The following GMPR variants were observed in gnomAD, a reference collection of about 807,000 sequenced individuals.
The protein encoded by GMPR is guanosine monophosphate reductase.
Under a neutral mutation model 38.4 loss-of-function variants are expected in GMPR, and 31 were observed. The ratio of observed to expected loss-of-function variants is 0.81; its 90% CI spans 0.61 to 1.09. The LOEUF is 1.09. Among genes scored for constraint, GMPR ranks in the 50% least tolerant of loss-of-function variants. The pLI, the probability that GMPR is intolerant of heterozygous loss-of-function variation, is 0.00. For missense variants in GMPR, 468 were observed against 453.7 expected (o/e 1.03, Z -0.29); for synonymous variants, 162 against 173.3 (o/e 0.93, Z 0.51).
chr6:16,239,533 G>A (rs1758604944), intron 1 of GMPR, among the ~76,000 whole-genome samples: 1 of 152,246 alleles, frequency 6.6e-6, no homozygotes, highest in Non-Finnish European at 1.5e-5. Context: ...GGATAAACTA[G>A]TTGCCTGAAA....
At chr6:16,250,631 TC>T (rs1479962722) in intron 3 of GMPR, among the ~76,000 whole-genome samples, 1 of 152,224 alleles carries the variant, frequency 6.6e-6, no homozygotes, top group Admixed American at 6.5e-5. Flanking sequence ...GACCTGTGTT[TC>T]CTGCCAGGTA....
intron 6 of GMPR, among the ~76,000 whole-genome samples, chr6:16,280,402 A>G (rs1218652954): frequency 4.6e-5 from 7 of 152,176 alleles, no homozygotes; most frequent in Non-Finnish European, 1.0e-4. Context: ...GCAAGTCTCT[A>G]TTAAGCATCT....
intron 8 of GMPR, among the ~76,000 whole-genome samples, chr6:16,291,847 G>A (rs1439908796): frequency 6.6e-6 from 1 of 151,624 alleles, no homozygotes; most frequent in Non-Finnish European, 1.5e-5. Context: ...GGAGTTGGAG[G>A]CTGCAGTGAG....
chr6:16,267,336 C>T (rs139435842), intron 4 of GMPR, among the ~76,000 whole-genome samples: 2,775 of 152,068 alleles, frequency 0.018, 48 homozygotes, highest in South Asian at 0.031. Context: ...CGCGCCACTG[C>T]ACTCCGGCCT....
At position 16,267,669 on chromosome 6, in the gene GMPR, A is replaced by G. The variant is rs146797783; in HGVS notation, c.466-6746A>G. On this transcript the variant is annotated intron_variant, in intron 4 of 8. Transcript: ENST00000259727. ...GGTCTGTGGCTCCAGCGAGACCAAG[A>G]ACCCACCGGAAGGAACCAATTCCAG... Among the ~76,000 whole-genome samples, 46 of 152,282 alleles carry G rather than the reference A, an allele frequency of 3.0e-4. 1 individual carries two copies. In the East Asian group the frequency reaches 8.9e-3, roughly 29 times the overall value.
chr6:16,254,958 G>A (rs1758946516), intron 4 of GMPR, among the ~76,000 whole-genome samples: 1 of 151,760 alleles, frequency 6.6e-6, no homozygotes, highest in Non-Finnish European at 1.5e-5. Flanking sequence ...TTCATAGGAT[G>A]TTGGCTGCAA....
Position 16,250,300 on chromosome 6 carries a change from C to A in GMPR, c.224C>A (p.Ala75Glu). Residue 75 changes from alanine (A) to glutamate (E), a missense_variant, in exon 3 of 9, where the codon GCA (alanine) becomes GAA (glutamate). By Grantham distance (107) the Ala-to-Glu change is moderately radical. Coordinates refer to ENST00000259727, the MANE Select transcript of GMPR (RefSeq NM_006877.4). Reference protein sequence around the residue: ...AVMSQHSMFTAIHKHYSLDDW... With the variant: ...AVMSQHSMFTEIHKHYSLDDW... ...GTTTTCTAGCACTCCATGTTTACAGCAATTCATAAGCATTACTCCCTGGAT... is the reference window on the plus strand; with the variant it reads ...GTTTTCTAGCACTCCATGTTTACAGAAATTCATAAGCATTACTCCCTGGAT... 2.5e-6 allele frequency: 4 copies of A among 1,604,118 alleles called. No individual in the cohort carries two copies. The highest frequency in any genetic ancestry group is 3.4e-6 in the Non-Finnish European group (4 of 1,170,836).
At chr6:16,272,937 A>G (rs950409403) in intron 4 of GMPR, among the ~76,000 whole-genome samples, 7 of 152,170 alleles carry the variant, frequency 4.6e-5, no homozygotes, top group African/African-American at 1.7e-4. Flanking sequence ...TGCTGTGGTT[A>G]TAGGCGTGAG....
At chr6:16,266,617 A>G (rs1759241386) in intron 4 of GMPR, among the ~76,000 whole-genome samples, 1 of 151,630 alleles carries the variant, frequency 6.6e-6, no homozygotes. Context: ...CCTGGCTAAC[A>G]CGGTGAAACC....
At chr6:16,277,019 G>T (rs1466632108) in intron 5 of GMPR, among the ~76,000 whole-genome samples, 1 of 152,210 alleles carries the variant, frequency 6.6e-6, no homozygotes, top group Non-Finnish European at 1.5e-5. Context: ...TACTGCAGCT[G>T]AGGCCCCCAC....
Position 16,250,393 on chromosome 6 carries a change from T to G in GMPR, c.291+26T>G, listed in dbSNP as rs778104142. 6 of 1,338,230 alleles carry G rather than the reference T, an allele frequency of 4.5e-6. No individual in the cohort carries two copies. In the South Asian group the frequency reaches 7.0e-5, roughly 16 times the overall value. The allele number at this position is 1,338,230 out of a possible 1,614,324, so 82.9% of individuals were successfully genotyped here. A position where few individuals can be genotyped will look rare whatever the true frequency, so the allele number is the denominator to read the frequency against. ...GTACGACTACAGCCTGGTTATCAAT[T>G]ACCAGTGCTGCAGGGGGGAACAAAA... is the stretch of plus-strand genomic sequence containing the variant. On this transcript the variant is annotated intron_variant, in intron 3 of 8. Transcript: ENST00000259727.
At chr6:16,294,603 C>T (rs778625607) in intron 8 of GMPR, among the ~76,000 whole-genome samples, 74 of 152,262 alleles carry the variant, frequency 4.9e-4, no homozygotes, top group Admixed American at 4.0e-3. Context: ...TTTTGGGCTC[C>T]TGGTTGTTGG....
At chr6:16,256,803 T>A (rs536103550) in intron 4 of GMPR, among the ~76,000 whole-genome samples, 1 of 152,350 alleles carries the variant, frequency 6.6e-6, no homozygotes, top group Non-Finnish European at 1.5e-5. Context: ...TGGTCATTGA[T>A]CCTGATTGCT....
intron 5 of GMPR, among the ~76,000 whole-genome samples, chr6:16,277,743 CT>C (rs1759499667): frequency 1.3e-5 from 2 of 152,282 alleles, no homozygotes; most frequent in South Asian, 4.1e-4. Flanking sequence ...AACAACTCCC[CT>C]GGGGCAGTGA....
At chr6:16,239,756 G>GGCCT (rs1268774603) in intron 1 of GMPR, among the ~76,000 whole-genome samples, 1 of 152,246 alleles carries the variant, frequency 6.6e-6, no homozygotes, top group African/African-American at 2.4e-5. Context: ...TCCGGTGCCA[G>GGCCT]GCCTAACTGC....
intron 4 of GMPR, among the ~76,000 whole-genome samples, chr6:16,265,536 T>G (rs1290472433): frequency 6.6e-6 from 1 of 152,168 alleles, no homozygotes; most frequent in African/African-American, 2.4e-5. Flanking sequence ...TAGAGGATTG[T>G]AAATGCATCA....
chr6:16,265,057 T>G (rs1258878185), intron 4 of GMPR, among the ~76,000 whole-genome samples: 1 of 152,150 alleles, frequency 6.6e-6, no homozygotes, highest in Non-Finnish European at 1.5e-5. Flanking sequence ...GAGAATAATG[T>G]GTTCTCGGGT....
At chr6:16,249,203 A>C (rs1581647239) in intron 2 of GMPR, among the ~76,000 whole-genome samples, 1 of 104,950 alleles carries the variant, frequency 9.5e-6, no homozygotes, top group African/African-American at 3.9e-5. Flanking sequence ...ATGGAGTTTC[A>C]CTCTTGTTGC....
intron 3 of GMPR, among the ~76,000 whole-genome samples, chr6:16,252,670 T>C (rs2113673586): frequency 6.6e-6 from 1 of 152,296 alleles, no homozygotes; most frequent in South Asian, 2.1e-4. Flanking sequence ...AAAGGGATAA[T>C]GTTAAAAACT....
Sources: allele counts gnomAD v4.1 joint callset (sites outside exome capture counted in the v4.1 genomes callset), GRCh38; gene constraint gnomAD v4.1.1; transcripts MANE v1.5; gene names NCBI Gene and HGNC (gene_info 2026-07-23, HGNC 2026-07-21).